Variants in CACNA2D3 observed in about 807,000 individuals in gnomAD.
CACNA2D3 encodes the protein voltage-dependent calcium channel subunit alpha-2/delta-3.
Under a neutral mutation model 160.6 loss-of-function variants are expected in CACNA2D3, and 60 were observed. That is an observed-to-expected ratio of 0.37 (90% CI 0.30 to 0.46). The LOEUF (loss-of-function observed/expected upper bound fraction) is 0.46, where lower values mean the gene tolerates loss of function less well. Among genes scored for constraint, CACNA2D3 ranks in the 20% least tolerant of loss-of-function variants. The pLI, the probability that CACNA2D3 is intolerant of heterozygous loss-of-function variation, is 1.00. For missense variants in CACNA2D3, 1,205 were observed against 1,365.0 expected (o/e 0.88, Z 1.85); for synonymous variants, 558 against 492.9 (o/e 1.13, Z -1.75).
chr3:54,252,646 T>C (rs954512254), intron 2 of CACNA2D3, among the ~76,000 whole-genome samples: 4 of 152,186 alleles, frequency 2.6e-5, no homozygotes, highest in African/African-American at 7.2e-5. Context: ...GGAACTGCCT[T>C]TCTGTGCTCT....
At chr3:54,492,544 A>G (rs1175138097) in intron 4 of CACNA2D3, among the ~76,000 whole-genome samples, 1 of 152,168 alleles carries the variant, frequency 6.6e-6, no homozygotes, top group Non-Finnish European at 1.5e-5. Flanking sequence ...TTGTGAAGGC[A>G]ATTTTGTGGA....
chr3:54,626,278 G>A, intron 9 of CACNA2D3: 1 of 1,439,060 alleles, frequency 6.9e-7, no homozygotes, highest in Non-Finnish European at 9.6e-7. Flanking sequence ...CGTGGACCTG[G>A]ACCAGCTGCT....
At chr3:54,289,128 C>G (rs1004359248) in intron 2 of CACNA2D3, among the ~76,000 whole-genome samples, 4 of 152,132 alleles carry the variant, frequency 2.6e-5, no homozygotes, top group African/African-American at 9.7e-5. Flanking sequence ...TCCCTGTTTG[C>G]AGACGACATG....
At chr3:54,916,382 C>G (rs2106917454) in intron 27 of CACNA2D3, among the ~76,000 whole-genome samples, 1 of 152,300 alleles carries the variant, frequency 6.6e-6, no homozygotes, top group South Asian at 2.1e-4. Context: ...GATATTGAGC[C>G]ATGTCCACTG....
intron 5 of CACNA2D3, among the ~76,000 whole-genome samples, chr3:54,525,273 T>C (rs1377046547): frequency 7.9e-5 from 12 of 152,168 alleles, no homozygotes. Context: ...TTTTGGCAAA[T>C]ATATTACCTC....
chr3:54,557,327 A>G (rs537098111), intron 5 of CACNA2D3, among the ~76,000 whole-genome samples: 2 of 152,318 alleles, frequency 1.3e-5, no homozygotes, highest in South Asian at 4.1e-4. Context: ...TATGGTGTCC[A>G]AATGAAGTAA....
intron 27 of CACNA2D3, among the ~76,000 whole-genome samples, chr3:54,936,923 T>G (rs1199699037): frequency 2.0e-5 from 3 of 152,168 alleles, no homozygotes; most frequent in African/African-American, 7.2e-5. Context: ...ATGCTCTCAC[T>G]GCTACGGCTG....
At chr3:55,027,134 T>A (rs1703580114) in intron 35 of CACNA2D3, among the ~76,000 whole-genome samples, 1 of 152,326 alleles carries the variant, frequency 6.6e-6, no homozygotes, top group Non-Finnish European at 1.5e-5. Context: ...TTAAGACTAC[T>A]TTTATTCCTA....
At chr3:54,461,148 C>T (rs538563028) in intron 4 of CACNA2D3, among the ~76,000 whole-genome samples, 6 of 152,164 alleles carry the variant, frequency 3.9e-5, no homozygotes, top group Admixed American at 2.6e-4. Flanking sequence ...GGTGGATAAG[C>T]TTTTTGATGT....
intron 2 of CACNA2D3, among the ~76,000 whole-genome samples, chr3:54,253,882 C>T (rs891600945): frequency 2.0e-5 from 3 of 152,088 alleles, no homozygotes; most frequent in African/African-American, 7.2e-5. Flanking sequence ...ATTCTCCTGC[C>T]TCAGCCTCCC....
chr3:54,817,990 A>G (rs1179302081), intron 14 of CACNA2D3, among the ~76,000 whole-genome samples: 1 of 152,154 alleles, frequency 6.6e-6, no homozygotes, highest in Admixed American at 6.5e-5. Context: ...GGAAGGCTCA[A>G]TGTCTTTGAT....
intron 2 of CACNA2D3, among the ~76,000 whole-genome samples, chr3:54,301,963 T>C (rs562076965): frequency 6.6e-6 from 1 of 152,350 alleles, no homozygotes; most frequent in East Asian, 1.9e-4. Flanking sequence ...GAAAATAAAG[T>C]ACTTCTCTGA....
In CACNA2D3 at chr3:54,630,582, T is replaced by G. The variant is rs115758649; in HGVS notation, c.1053+2706T>G. ...CTTTAAAAATGTGTTTAACCACACT[T>G]ACTAACCCAGGAACACTTTATATCA... On this transcript the variant is annotated intron_variant, in intron 10 of 37. Transcript: ENST00000474759. Among the ~76,000 whole-genome samples the G allele has an allele frequency of 7.7e-3, 1,168 of 152,322 alleles. 19 individuals are homozygous for G. The highest frequency in any genetic ancestry group is 0.026 in the African/African-American group (1,085 of 41,568).
chr3:54,873,344 C>A (rs1218396146), intron 18 of CACNA2D3, among the ~76,000 whole-genome samples: 1 of 151,996 alleles, frequency 6.6e-6, no homozygotes, highest in Non-Finnish European at 1.5e-5. Flanking sequence ...AGGGGACTTT[C>A]CATTGTTGCC....
intron 2 of CACNA2D3, among the ~76,000 whole-genome samples, chr3:54,240,793 G>T (rs564066745): frequency 7.2e-5 from 11 of 152,218 alleles, no homozygotes; most frequent in African/African-American, 2.4e-4. Flanking sequence ...GAGTGCAATG[G>T]TGCAATGGTG....
chr3:54,367,792 C>A (rs1270892570), intron 3 of CACNA2D3, among the ~76,000 whole-genome samples: 1 of 152,190 alleles, frequency 6.6e-6, no homozygotes, highest in Non-Finnish European at 1.5e-5. Flanking sequence ...CTTCCTCCTG[C>A]CCCTTTGGAC....
intron 25 of CACNA2D3, among the ~76,000 whole-genome samples, chr3:54,892,675 T>G (rs1049612505): frequency 6.6e-6 from 1 of 152,162 alleles, no homozygotes; most frequent in African/African-American, 2.4e-5. Context: ...GGTGCTGAGA[T>G]ACACATTGCC....
chr3:54,303,756 G>A lies in CACNA2D3; in HGVS notation c.205-16686G>A, dbSNP rs77370780. 9.8e-3 allele frequency among the ~76,000 whole-genome samples: 1,478 copies of A among 151,200 alleles called. 11 individuals are homozygous for A. The highest frequency in any genetic ancestry group is 0.017 in the Non-Finnish European group (1,133 of 67,886). ...CCCAGCTGTTATTAGCTGCTATCTT[G>A]ATCGATTAGAAGATGGATTTGGTGT... is the stretch of plus-strand genomic sequence containing the variant. On this transcript the variant is annotated intron_variant, in intron 2 of 37. Coordinates refer to ENST00000474759, the MANE Select transcript of CACNA2D3 (RefSeq NM_018398.3).
At chr3:54,468,719 C>T (rs1700673992) in intron 4 of CACNA2D3, among the ~76,000 whole-genome samples, 1 of 152,134 alleles carries the variant, frequency 6.6e-6, no homozygotes, top group South Asian at 2.1e-4. Context: ...TGAAGTCTAC[C>T]TGGGATGCTC....
Sources: allele counts gnomAD v4.1 joint callset (sites outside exome capture counted in the v4.1 genomes callset), GRCh38; gene constraint gnomAD v4.1.1; transcripts MANE v1.5; gene names NCBI Gene and HGNC (gene_info 2026-07-23, HGNC 2026-07-21).